SUSD4: variants seen among roughly 807,000 people sequenced by gnomAD.
SUSD4 encodes the protein sushi domain-containing protein 4.
SUSD4 carries 41 observed loss-of-function variants against 50.5 expected under a neutral mutation model. The ratio of observed to expected loss-of-function variants is 0.81; its 90% confidence interval spans 0.63 to 1.05. The LOEUF is 1.05. SUSD4 is among the 50% of genes least tolerant of loss of function. The pLI, the probability that SUSD4 is intolerant of heterozygous loss-of-function variation, is 0.00. For synonymous variants in SUSD4, 257 were observed against 257.3 expected (o/e 1.00, Z 0.01); for missense variants, 580 against 634.7 (o/e 0.91, Z 0.93).
intron 2 of SUSD4, among the ~76,000 whole-genome samples, chr1:223,303,667 C>T (rs549878802): frequency 2.0e-5 from 3 of 152,240 alleles, no homozygotes; most frequent in Admixed American, 2.0e-4. Flanking sequence ...GGAGGGTCAC[C>T]ACCTTCTGGT....
chr1:223,302,252 C>A (rs776730066), intron 2 of SUSD4, among the ~76,000 whole-genome samples: 1 of 152,144 alleles, frequency 6.6e-6, no homozygotes, highest in Admixed American at 6.6e-5. Flanking sequence ...ACCATGAGCA[C>A]AATTAAACCT....
intron 2 of SUSD4, among the ~76,000 whole-genome samples, chr1:223,350,393 C>T (rs1264505617): frequency 6.6e-6 from 1 of 152,124 alleles, no homozygotes; most frequent in African/African-American, 2.4e-5. Context: ...CCTTTCCCAC[C>T]CTTAGGACTG....
chr1:223,350,718 A>G (rs1447408566), intron 2 of SUSD4, among the ~76,000 whole-genome samples: 22 of 152,236 alleles, frequency 1.4e-4, no homozygotes, highest in Admixed American at 1.4e-3. Context: ...TGAGTACTCA[A>G]CTGGGATTAC....
At chr1:223,280,300 TAAAG>T (rs1459289258) in intron 3 of SUSD4, among the ~76,000 whole-genome samples, 2 of 152,042 alleles carry the variant, frequency 1.3e-5, no homozygotes, top group African/African-American at 4.8e-5. Flanking sequence ...GCAAATTGGA[TAAAG>T]AGTCAAGACC....
At chr1:223,335,624 A>G (rs542598081) in intron 2 of SUSD4, among the ~76,000 whole-genome samples, 1 of 152,342 alleles carries the variant, frequency 6.6e-6, no homozygotes, top group South Asian at 2.1e-4. Context: ...AAGAACAAGC[A>G]GTCATTAATA....
intron 5 of SUSD4, chr1:223,230,478 C>T (rs948873291): frequency 6.6e-6 from 1 of 152,182 alleles, no homozygotes; most frequent in Non-Finnish European, 1.5e-5. Flanking sequence ...AGAACAGGCA[C>T]TGCCCACCAT....
chr1:223,276,240 C>A (rs1026350993), intron 3 of SUSD4, among the ~76,000 whole-genome samples: 2 of 152,258 alleles, frequency 1.3e-5, no homozygotes, highest in African/African-American at 4.8e-5. Flanking sequence ...CACTGTGCGA[C>A]CTTTATACAG....
At chr1:223,328,207 A>G (rs1572070207) in intron 2 of SUSD4, among the ~76,000 whole-genome samples, 1 of 152,304 alleles carries the variant, frequency 6.6e-6, no homozygotes, top group South Asian at 2.1e-4. Context: ...AACATCTTAC[A>G]TTTGTTGGAC....
chr1:223,309,749 G>A (rs1354486237), intron 2 of SUSD4, among the ~76,000 whole-genome samples: 1 of 152,206 alleles, frequency 6.6e-6, no homozygotes, highest in Non-Finnish European at 1.5e-5. Flanking sequence ...AGGCATTTCT[G>A]AGGACAAGAT....
chr1:223,282,755 G>A (rs1272909660), intron 3 of SUSD4, among the ~76,000 whole-genome samples: 1 of 152,118 alleles, frequency 6.6e-6, no homozygotes, highest in African/African-American at 2.4e-5. Context: ...AGTTCATATA[G>A]AACCAAAAAA....
chr1:223,246,210 G>A (rs767497107), intron 5 of SUSD4, among the ~76,000 whole-genome samples: 13 of 152,240 alleles, frequency 8.5e-5, no homozygotes, highest in Admixed American at 3.3e-4. Flanking sequence ...CATGGAAGCC[G>A]CGAGGGGAGA....
At chr1:223,276,248 C>A (rs1663262379) in intron 3 of SUSD4, among the ~76,000 whole-genome samples, 1 of 152,242 alleles carries the variant, frequency 6.6e-6, no homozygotes, top group South Asian at 2.1e-4. Flanking sequence ...GACCTTTATA[C>A]AGGCTCTGAC....
chr1:223,252,560 G>A (rs1661407580), intron 5 of SUSD4, among the ~76,000 whole-genome samples: 1 of 152,120 alleles, frequency 6.6e-6, no homozygotes, highest in African/African-American at 2.4e-5. Context: ...TGGCTTCCCA[G>A]CTTCCTGAAC....
intron 2 of SUSD4, among the ~76,000 whole-genome samples, chr1:223,306,386 A>G (rs1665535409): frequency 6.6e-6 from 1 of 152,250 alleles, no homozygotes; most frequent in Admixed American, 6.5e-5. Flanking sequence ...ACCACTCATC[A>G]GGAAAATCTG....
At chr1:223,294,804 A>G (rs1178773548) in intron 2 of SUSD4, among the ~76,000 whole-genome samples, 2 of 152,210 alleles carry the variant, frequency 1.3e-5, no homozygotes, top group Non-Finnish European at 2.9e-5. Context: ...ATACCCCAAT[A>G]ATACAAGTTG....
chr1:223,309,429 G>A (rs1199592541), intron 2 of SUSD4, among the ~76,000 whole-genome samples: 1 of 152,176 alleles, frequency 6.6e-6, no homozygotes, highest in Non-Finnish European at 1.5e-5. Context: ...AGCTTCTCCA[G>A]GGATAAGAGG....
At chr1:223,364,550 G>T (rs1315266700), upstream of SUSD4, among the ~76,000 whole-genome samples, 1 of 150,258 alleles carries the variant, frequency 6.7e-6, no homozygotes, top group Non-Finnish European at 1.5e-5. This position sits in a 1 kb window ranked among gnomAD's most constrained non-coding sequence, Gnocchi z 4.5. Flanking sequence ...GCCGGCGGCC[G>T]GTCTTGCACA....
chr1:223,329,844 G>T (rs1667080795), intron 2 of SUSD4, among the ~76,000 whole-genome samples: 1 of 152,150 alleles, frequency 6.6e-6, no homozygotes, highest in Admixed American at 6.5e-5. Context: ...ATGATTGGAT[G>T]AATGGAAGAA....
intron 5 of SUSD4, among the ~76,000 whole-genome samples, chr1:223,253,144 A>G (rs1368186383): frequency 6.6e-6 from 1 of 152,084 alleles, no homozygotes; most frequent in Non-Finnish European, 1.5e-5. Context: ...GTCATCCATC[A>G]AAGAACAAAC....
Sources: allele counts gnomAD v4.1 joint callset (sites outside exome capture counted in the v4.1 genomes callset), GRCh38; gene constraint gnomAD v4.1.1; non-coding constraint Gnocchi (gnomAD v3.1); transcripts MANE v1.5; gene names NCBI Gene and HGNC (gene_info 2026-07-23, HGNC 2026-07-21).